Variants in LOXL2 observed in about 807,000 individuals in gnomAD.
The protein encoded by LOXL2 is lysyl oxidase like 2, also known as lysyl oxidase homolog 2.
In LOXL2, 70 loss-of-function variants were observed where a neutral mutation model predicts 93.0. That is an observed-to-expected ratio of 0.75 (90% CI 0.62 to 0.92). The LOEUF (loss-of-function observed/expected upper bound fraction) is 0.92, where lower values mean the gene tolerates loss of function less well. Among genes scored for constraint, LOXL2 ranks in the 40% least tolerant of loss-of-function variants. The probability of loss-of-function intolerance (pLI) is 0.00; values close to 1 mark genes in which losing one functional copy is unlikely to be tolerated. For missense variants in LOXL2, 973 were observed against 1,054.9 expected (o/e 0.92, Z 1.08); for synonymous variants, 438 against 413.2 (o/e 1.06, Z -0.73).
intron 10 of LOXL2, among the ~76,000 whole-genome samples, chr8:23,309,141 T>A (rs7841707): frequency 1.3e-5 from 2 of 151,728 alleles, no homozygotes; most frequent in Admixed American, 6.6e-5. Context: ...TCCACCACCA[T>A]GCCCGGCTAA....
At chr8:23,381,049 G>C (rs994455598) in intron 1 of LOXL2, among the ~76,000 whole-genome samples, 3 of 151,360 alleles carry the variant, frequency 2.0e-5, no homozygotes, top group Non-Finnish European at 2.9e-5. Context: ...AATACCACTG[G>C]GGGGCGGGTA....
At position 23,335,715 on chromosome 8, in the gene LOXL2, G is replaced by A. The variant is rs1048793633; in HGVS notation, c.744-2092C>T. ...AGGAGCCAGCAGAGGGTACTCGCTG[G>A]GCAGGCTGACCCCAAGACAGGGCAG... On this transcript the variant is annotated intron_variant, in intron 4 of 13. Coordinates refer to ENST00000389131, the MANE Select transcript of LOXL2 (RefSeq NM_002318.3). Among the ~76,000 whole-genome samples the A allele has an allele frequency of 3.2e-4, 49 of 152,120 alleles. 1 individual carries two copies. Among genetic ancestry groups the A allele is most frequent in the African/African-American group, 1.1e-3 (46 of 41,436 alleles).
chr8:23,396,116 C>T (rs1052291657), intron 1 of LOXL2, among the ~76,000 whole-genome samples: 3 of 151,938 alleles, frequency 2.0e-5, no homozygotes, highest in African/African-American at 7.3e-5. Context: ...GTCGGGAGTT[C>T]GGGAGCAGCC....
chr8:23,330,036 C>A (rs1245874730), intron 5 of LOXL2, among the ~76,000 whole-genome samples: 2 of 152,092 alleles, frequency 1.3e-5, no homozygotes, highest in African/African-American at 4.8e-5. Context: ...AAAAAAAAAC[C>A]CAAACAGGGC....
At position 23,298,035 on chromosome 8, in the gene LOXL2, A is replaced by C. The variant is rs1246944675; in HGVS notation, c.*8T>G. The C allele has an allele frequency of 6.2e-7, 1 of 1,612,660 alleles. No homozygotes were observed. Among genetic ancestry groups the C allele is most frequent in the Non-Finnish European group, 8.5e-7 (1 of 1,179,272 alleles). On this transcript the variant is annotated 3_prime_UTR_variant, in exon 14 of 14. Transcript: ENST00000389131. ...GCCTGAAGACAGGAGTTGACCACGC[A>C]GGCTTCTTTACTGCGGGGACAGCTG... is the stretch of plus-strand genomic sequence containing the variant.
intron 7 of LOXL2, among the ~76,000 whole-genome samples, chr8:23,320,785 A>G (rs948941221): frequency 1.3e-5 from 2 of 152,112 alleles, no homozygotes; most frequent in African/African-American, 4.8e-5. Flanking sequence ...ATGGTGGTGC[A>G]TACCTGTAGT....
intron 3 of LOXL2, among the ~76,000 whole-genome samples, chr8:23,346,142 T>TAATAAAAAAAAAAA (rs1482289467): frequency 8.9e-6 from 1 of 112,558 alleles, no homozygotes; most frequent in Non-Finnish European, 1.9e-5. Flanking sequence ...TAAAATAAAA[T>TAATAAAAAAAAAAA]AAATAAAATA....
intron 1 of LOXL2, among the ~76,000 whole-genome samples, chr8:23,375,969 C>A (rs546653230): frequency 6.6e-6 from 1 of 152,226 alleles, no homozygotes; most frequent in South Asian, 2.1e-4. Context: ...GAACTTCCAA[C>A]ACTATGTTGA....
At chr8:23,332,935 A>C (rs1327242811) in intron 5 of LOXL2, among the ~76,000 whole-genome samples, 3 of 150,302 alleles carry the variant, frequency 2.0e-5, no homozygotes, top group Non-Finnish European at 3.0e-5. Context: ...GGTGTTTCAC[A>C]TAAGTATAAT....
intron 2 of LOXL2, chr8:23,363,482 A>C (rs1047025328): frequency 2.0e-5 from 3 of 152,192 alleles, no homozygotes; most frequent in Non-Finnish European, 4.4e-5. Context: ...ACAACAAACC[A>C]ATGTTTGTCT....
In LOXL2 at chr8:23,393,132, C is replaced by T. The variant is rs80136296; in HGVS notation, c.-84+10822G>A. Among the ~76,000 whole-genome samples, 1,053 of 152,268 alleles carry T rather than the reference C, an allele frequency of 6.9e-3. 7 individuals carry two copies. Among genetic ancestry groups the T allele is most frequent in the African/African-American group, 0.024 (985 of 41,544 alleles). On this transcript the variant is annotated intron_variant, in intron 1 of 13. Coordinates refer to ENST00000389131, the MANE Select transcript of LOXL2 (RefSeq NM_002318.3). The stretch of plus-strand genomic sequence containing the variant: ...TTAAATGGTTAAGATGAGAATACTC[C>T]TCAAATTGATCTACGAATTCAACAC...
intron 3 of LOXL2, among the ~76,000 whole-genome samples, chr8:23,346,117 T>A (rs201686908): frequency 0.012 from 298 of 25,692 alleles, 5 homozygotes; most frequent in East Asian, 0.11. Context: ...AAAATAAAAT[T>A]AAAATAAAAT....
chr8:23,342,323 A>G (rs77985702), intron 3 of LOXL2, among the ~76,000 whole-genome samples: 2,502 of 151,932 alleles, frequency 0.016, 77 homozygotes, highest in African/African-American at 0.058. Context: ...GCTCCCCCCT[A>G]AATCACTCAT....
Position 23,309,767 on chromosome 8 carries a change from C to A in LOXL2, c.1781G>T (p.Arg594Leu). The A allele has an allele frequency of 6.2e-7, 1 of 1,603,004 alleles. No homozygotes were observed. The highest frequency in any genetic ancestry group is 8.5e-7 in the Non-Finnish European group (1 of 1,175,030). ...AAQTDPTTGY[R>L]RLLRFSSQIH... ...CTGGGAGGAGAAGCGCAGGAGCCGG[C>A]GGTAGCCCGTGGTGGGGTCGGTCTG... Residue 594 changes from arginine to leucine, a missense_variant, in exon 10 of 14, where the codon CGC becomes CTC. Transcript: ENST00000389131.
intron 1 of LOXL2, among the ~76,000 whole-genome samples, chr8:23,403,388 G>A (rs1585388573): frequency 6.6e-6 from 1 of 152,068 alleles, no homozygotes; most frequent in Non-Finnish European, 1.5e-5. Flanking sequence ...GCTCCCAACA[G>A]CCTTTCGAGC....
rs562681745 is a variant in LOXL2 at position 23,391,166 on chromosome 8, G to A, written c.-84+12788C>T. ...TTATGGGAGCTACAATTTAAGATAA[G>A]ATTTGGGTGCGGATACAGCCAAATC... On this transcript the variant is annotated intron_variant, in intron 1 of 13. Coordinates refer to ENST00000389131, the MANE Select transcript of LOXL2 (RefSeq NM_002318.3). Among the ~76,000 whole-genome samples, 260 of 152,232 alleles carry A rather than the reference G, an allele frequency of 1.7e-3. 2 individuals carry two copies. The highest frequency in any genetic ancestry group is 6.0e-3 in the African/African-American group (249 of 41,528).
chr8:23,350,544 T>C (rs1232198204), intron 3 of LOXL2, among the ~76,000 whole-genome samples: 1 of 152,218 alleles, frequency 6.6e-6, no homozygotes, highest in East Asian at 1.9e-4. Flanking sequence ...CACTCCAGCC[T>C]GGGCAACAAG....
chr8:23,302,915 C>A (rs1431255099), intron 11 of LOXL2, among the ~76,000 whole-genome samples: 1 of 152,118 alleles, frequency 6.6e-6, no homozygotes, highest in Non-Finnish European at 1.5e-5. Flanking sequence ...GTGGTAGGGA[C>A]ACTTGGCATT....
intron 3 of LOXL2, among the ~76,000 whole-genome samples, chr8:23,348,263 G>C (rs1181208515): frequency 7.5e-6 from 1 of 133,376 alleles, no homozygotes; most frequent in Admixed American, 7.6e-5. Flanking sequence ...TCGTGGGGTG[G>C]GGGGAGGGGG....
Sources: allele counts gnomAD v4.1 joint callset (sites outside exome capture counted in the v4.1 genomes callset), GRCh38; gene constraint gnomAD v4.1.1; transcripts MANE v1.5; gene names NCBI Gene and HGNC (gene_info 2026-07-23, HGNC 2026-07-21).